The following NALF1 variants were observed in gnomAD, a reference collection of about 807,000 sequenced individuals.
NALF1 encodes NALCN channel auxiliary factor 1.
NALF1 carries 3 observed loss-of-function variants against 48.4 expected under a neutral mutation model. That is an observed-to-expected ratio of 0.06 (90% CI 0.03 to 0.16). The LOEUF (loss-of-function observed/expected upper bound fraction) is 0.16. Ranked by LOEUF, NALF1 falls within the 10% of genes least tolerant of loss-of-function variation. NALF1 has a pLI of 1.00. For synonymous variants in NALF1, 262 were observed against 245.7 expected (o/e 1.07, Z -0.62); for missense variants, 526 against 571.5 (o/e 0.92, Z 0.81).
chr13:107,827,865 A>G (rs1240728022), intron 1 of NALF1, among the ~76,000 whole-genome samples: 1 of 152,228 alleles, frequency 6.6e-6, no homozygotes, highest in African/African-American at 2.4e-5. Context: ...TAAGTTGGGT[A>G]AATTTTGGAA....
chr13:107,195,654 CAACT>C (rs1414912513), intron 2 of NALF1, among the ~76,000 whole-genome samples: 3 of 152,144 alleles, frequency 2.0e-5, no homozygotes, highest in African/African-American at 7.2e-5. Flanking sequence ...GTTTATGAAC[CAACT>C]GAGTTTGTGG....
intron 1 of NALF1, among the ~76,000 whole-genome samples, chr13:107,453,669 T>C (rs1300767089): frequency 6.6e-6 from 1 of 152,252 alleles, no homozygotes; most frequent in Non-Finnish European, 1.5e-5. Flanking sequence ...CTGTTACTTA[T>C]GCAAATTTCT....
intron 1 of NALF1, among the ~76,000 whole-genome samples, chr13:107,428,830 T>C (rs1884325837): frequency 6.6e-6 from 1 of 152,208 alleles, no homozygotes; most frequent in African/African-American, 2.4e-5. Context: ...TAATAAAATT[T>C]CAGCTAATTA....
At chr13:107,654,106 T>C (rs1880515910) in intron 1 of NALF1, among the ~76,000 whole-genome samples, 1 of 151,992 alleles carries the variant, frequency 6.6e-6, no homozygotes, top group South Asian at 2.1e-4. Context: ...GCTGGTTCTT[T>C]AGAAAGATAA....
At chr13:107,570,986 T>C (rs1877971697) in intron 1 of NALF1, among the ~76,000 whole-genome samples, 1 of 152,220 alleles carries the variant, frequency 6.6e-6, no homozygotes. Flanking sequence ...TATGAATTGC[T>C]ATGGCAACAC....
intron 1 of NALF1, among the ~76,000 whole-genome samples, chr13:107,296,634 G>A (rs1205019888): frequency 6.6e-6 from 1 of 152,088 alleles, no homozygotes; most frequent in African/African-American, 2.4e-5. Flanking sequence ...TTAAATTGAT[G>A]AGCAATGAGC....
intron 1 of NALF1, among the ~76,000 whole-genome samples, chr13:107,353,925 A>C (rs1203101865): frequency 6.6e-6 from 1 of 152,194 alleles, no homozygotes; most frequent in Non-Finnish European, 1.5e-5. Context: ...CTGAGCACCT[A>C]GTACATGCCA....
chr13:107,641,873 C>T (rs1239912342), intron 1 of NALF1, among the ~76,000 whole-genome samples: 3 of 152,146 alleles, frequency 2.0e-5, no homozygotes, highest in Admixed American at 6.6e-5. Flanking sequence ...TATATTACAA[C>T]CCCCTGGAAA....
Position 107,465,671 on chromosome 13 carries a change from G to A in NALF1, c.916-254916C>T, listed in dbSNP as rs866232212. On this transcript the variant is annotated intron_variant, in intron 1 of 2. Coordinates refer to ENST00000375915, the MANE Select transcript of NALF1 (RefSeq NM_001080396.3). ...GGCTGTTGATGAGATGGGGCACTGG[G>A]GAGTGTATTTGTCTGGTGGGGCTGT... Among the ~76,000 whole-genome samples the A allele has an allele frequency of 7.6e-4, 116 of 152,272 alleles. 1 individual carries two copies. Among genetic ancestry groups the A allele is most frequent in the African/African-American group, 2.4e-3 (98 of 41,552 alleles).
At chr13:107,445,033 A>G (rs1884624555) in intron 1 of NALF1, among the ~76,000 whole-genome samples, 1 of 152,222 alleles carries the variant, frequency 6.6e-6, no homozygotes, top group Non-Finnish European at 1.5e-5. Flanking sequence ...GATATATTGC[A>G]TAATTATAGT....
At chr13:107,865,629 CCAAG>C (rs1880691829) in intron 1 of NALF1, 49 bp downstream of exon 1, 14 of 1,568,912 alleles carry the variant, frequency 8.9e-6, no homozygotes, top group Non-Finnish European at 1.1e-5. Flanking sequence ...GACACCCCAA[CCAAG>C]CAGAGATAGG....
At chr13:107,205,961 C>T (rs570593978) in intron 2 of NALF1, among the ~76,000 whole-genome samples, 10 of 151,986 alleles carry the variant, frequency 6.6e-5, no homozygotes, top group Non-Finnish European at 1.2e-4. Flanking sequence ...ACCACGATGA[C>T]GGGTTGACAT....
chr13:107,640,172 A>G (rs1880110854), intron 1 of NALF1, among the ~76,000 whole-genome samples: 1 of 152,164 alleles, frequency 6.6e-6, no homozygotes. Flanking sequence ...TGCCAAAAAA[A>G]AGAAGAAAAC....
chr13:107,838,523 C>T (rs1315655397), intron 1 of NALF1, among the ~76,000 whole-genome samples: 1 of 152,052 alleles, frequency 6.6e-6, no homozygotes, highest in African/African-American at 2.4e-5. Context: ...TAAGGCATTT[C>T]AAATTGTGTC....
chr13:107,469,800 G>A (rs990097756), intron 1 of NALF1, among the ~76,000 whole-genome samples: 22 of 133,238 alleles, frequency 1.7e-4, no homozygotes, highest in South Asian at 4.8e-4. Flanking sequence ...CTGGAGTGCA[G>A]TGGTGCGATC....
intron 1 of NALF1, among the ~76,000 whole-genome samples, chr13:107,228,850 A>G (rs1048484628): frequency 6.6e-6 from 1 of 152,004 alleles, no homozygotes; most frequent in Non-Finnish European, 1.5e-5. Flanking sequence ...TGAACTCCTG[A>G]TCTCAGGTAA....
At chr13:107,601,397 G>A (rs1423288169) in intron 1 of NALF1, among the ~76,000 whole-genome samples, 1 of 152,152 alleles carries the variant, frequency 6.6e-6, no homozygotes, top group Non-Finnish European at 1.5e-5. Context: ...GAGAGATGGA[G>A]CGACTTTTCT....
chr13:107,786,290 C>A lies in NALF1; in HGVS notation c.915+79392G>T, dbSNP rs1313668698. ...AATTAGCTGAGCGTGGTGGTGCATG[C>A]CTGTAATCCCAGCTACTTAGGAGGC... On this transcript the variant is annotated intron_variant, in intron 1 of 2. Transcript: ENST00000375915. Among the ~76,000 whole-genome samples the A allele has an allele frequency of 4.0e-5, 6 of 151,830 alleles. No individual in the cohort carries two copies. The East Asian group carries it at 1.2e-3, about 30-fold the overall frequency.
chr13:107,846,758 C>T (rs1269353153), intron 1 of NALF1, among the ~76,000 whole-genome samples: 1 of 152,120 alleles, frequency 6.6e-6, no homozygotes, highest in African/African-American at 2.4e-5. Context: ...TCCTAAAGTG[C>T]CTTCGTGTTT....
Sources: gnomAD v4.1 joint callset for allele counts (sites outside exome capture counted in the v4.1 genomes callset) on GRCh38, gnomAD v4.1.1 for gene constraint, MANE v1.5 for transcripts, NCBI Gene and HGNC (gene_info 2026-07-23, HGNC 2026-07-21) for gene names.